RAB40A: variants seen among roughly 807,000 people sequenced by gnomAD.
The protein encoded by RAB40A is ras-related protein Rab-40A.
For synonymous variants in RAB40A, 65 were observed against 99.9 expected (o/e 0.65, Z 2.08); for missense variants, 145 against 230.2 (o/e 0.63, Z 2.40).
At chrX:103,502,948 G>A in intron 2 of RAB40A, 1 of 763,985 alleles carries the variant, frequency 1.3e-6, no homozygotes, top group Non-Finnish European at 1.6e-6. Context: ...GAGCCTCTGG[G>A]CTAAGAAGGC....
chrX:103,515,229 T>C (rs1215926008), intron 2 of RAB40A, among the ~76,000 whole-genome samples: 1 of 112,379 alleles, frequency 8.9e-6, no homozygotes, highest in Non-Finnish European at 1.9e-5. Context: ...TACTGCCTCC[T>C]TTCTGGGGTT....
chrX:103,496,396 G>T (rs943326180), downstream of RAB40A, among the ~76,000 whole-genome samples: 1 of 112,003 alleles, frequency 8.9e-6, no homozygotes, highest in Non-Finnish European at 1.9e-5. Flanking sequence ...GATTTGTGTG[G>T]TGCAGTAGAA....
chrX:103,499,456 T>C lies in RAB40A; in HGVS notation c.*467A>G. On this transcript the variant is annotated 3_prime_UTR_variant, in exon 3 of 3. Transcript: ENST00000304236. ...ATATGCATCTGCAGTGTTTTATAAA[T>C]TGGTGCTTTGACATTAAAAAGGAGG... 2 of 190,205 alleles carry C rather than the reference T, an allele frequency of 1.1e-5. No homozygotes were observed. Among genetic ancestry groups the C allele is most frequent in the Non-Finnish European group, 2.0e-5 (2 of 99,707 alleles). 15.7% of individuals were successfully genotyped at this position (190,205 alleles called of 1,213,427 possible).
At chrX:103,502,624 AC>A (rs2073234558) in intron 2 of RAB40A, 1 of 556,830 alleles carries the variant, frequency 1.8e-6, no homozygotes, top group African/African-American at 2.6e-5. Flanking sequence ...GGAGTGGGGG[AC>A]CCATGGGGCC....
intron 2 of RAB40A, chrX:103,501,577 T>C (rs973941943): frequency 2.4e-5 from 3 of 123,827 alleles, no homozygotes; most frequent in African/African-American, 9.7e-5. Context: ...GTTGAAATAA[T>C]GCATGCATCC....
At chrX:103,496,398 G>C (rs1161075410), downstream of RAB40A, among the ~76,000 whole-genome samples, 2 of 112,135 alleles carry the variant, frequency 1.8e-5, no homozygotes, top group African/African-American at 6.5e-5. Flanking sequence ...TTTGTGTGGT[G>C]CAGTAGAAGA....
chrX:103,494,193 G>T (rs2073148061), downstream of RAB40A, among the ~76,000 whole-genome samples: 1 of 112,131 alleles, frequency 8.9e-6, no homozygotes, highest in Non-Finnish European at 1.9e-5. Context: ...CAATGAAGTT[G>T]AGCACCTTTT....
intron 2 of RAB40A, among the ~76,000 whole-genome samples, chrX:103,511,524 A>AT (rs1472788007): frequency 9.1e-6 from 1 of 109,790 alleles, no homozygotes; most frequent in Non-Finnish European, 1.9e-5. Context: ...AAAAAAAAAA[A>AT]GGATGAGTTC....
chrX:103,494,732 G>A (rs1186170039), downstream of RAB40A, among the ~76,000 whole-genome samples: 2 of 111,764 alleles, frequency 1.8e-5, no homozygotes, highest in African/African-American at 6.5e-5. Flanking sequence ...CACTGTAGGT[G>A]TGTGGATTTG....
Position 103,512,234 on chromosome X carries a change from T to A in RAB40A, c.-71+5140A>T, listed in dbSNP as rs2073294349. 2.7e-5 allele frequency among the ~76,000 whole-genome samples: 3 copies of A among 112,062 alleles called. No homozygotes were observed. The Admixed American group carries it at 2.8e-4, about 11-fold the overall frequency. Reference sequence around the variant, plus strand: ...ACTGTGAGAGACTAAATTTCTGTTATTTTAAGCCACAAGTTTGTGGTACTA... The same window carrying A: ...ACTGTGAGAGACTAAATTTCTGTTAATTTAAGCCACAAGTTTGTGGTACTA... On this transcript the variant is annotated intron_variant, in intron 2 of 2. Transcript: ENST00000304236.
chrX:103,496,726 C>T (rs1450027421), downstream of RAB40A, among the ~76,000 whole-genome samples: 1 of 112,399 alleles, frequency 8.9e-6, no homozygotes, highest in Non-Finnish European at 1.9e-5. Flanking sequence ...AAATGTTGTA[C>T]TTCAACTGAT....
chrX:103,503,539 G>T (rs1306052079), intron 2 of RAB40A: 2 of 739,537 alleles, frequency 2.7e-6, no homozygotes, highest in East Asian at 3.0e-4. Context: ...AACTGGCATC[G>T]TAGTTTGTCA....
chrX:103,518,965 G>A (rs2073329153), intron 1 of RAB40A, among the ~76,000 whole-genome samples: 1 of 111,660 alleles, frequency 9.0e-6, no homozygotes, highest in African/African-American at 3.3e-5. Context: ...CTTAGACGCT[G>A]CAGAAAAATC....
chrX:103,501,825 TA>T (rs2073229642), intron 2 of RAB40A: 2 of 120,793 alleles, frequency 1.7e-5, no homozygotes, highest in South Asian at 7.4e-4. Flanking sequence ...AATTTTTTTT[TA>T]ATTTGCAAAA....
At chrX:103,509,195 C>G (rs1468752771) in intron 2 of RAB40A, among the ~76,000 whole-genome samples, 1 of 111,296 alleles carries the variant, frequency 9.0e-6, no homozygotes, top group Non-Finnish European at 1.9e-5. Context: ...GATGAGACGA[C>G]TTCTTCACGT....
chrX:103,497,876 C>T (rs2073189823), downstream of RAB40A, among the ~76,000 whole-genome samples: 1 of 111,707 alleles, frequency 9.0e-6, no homozygotes, highest in Non-Finnish European at 1.9e-5. Flanking sequence ...GTGCCTGTTG[C>T]TCATTGTTTT....
intron 2 of RAB40A, among the ~76,000 whole-genome samples, chrX:103,508,270 CAAGCCCTGG>C (rs771053778): frequency 9.0e-6 from 1 of 111,501 alleles, no homozygotes; most frequent in East Asian, 2.8e-4. Flanking sequence ...GACCATTTCT[CAAGCCCTGG>C]AAGCCCATCT....
chrX:103,519,342 G>T (rs889529756), intron 1 of RAB40A, 28 bp downstream of exon 1: 1 of 111,501 alleles, frequency 9.0e-6, no homozygotes, highest in Non-Finnish European at 1.9e-5. Flanking sequence ...AAAAGAGAAA[G>T]AAATACTTGG....
intron 2 of RAB40A, among the ~76,000 whole-genome samples, chrX:103,515,445 GT>G (rs1361428289): frequency 8.9e-6 from 1 of 112,015 alleles, no homozygotes; most frequent in Non-Finnish European, 1.9e-5. Flanking sequence ...AATAATCTCT[GT>G]GGGATGTTCA....
Sources: gnomAD v4.1 joint callset for allele counts (sites outside exome capture counted in the v4.1 genomes callset) on GRCh38, gnomAD v4.1.1 for gene constraint, MANE v1.5 for transcripts, NCBI Gene and HGNC (gene_info 2026-07-23, HGNC 2026-07-21) for gene names.